Variants in IGF2BP3 observed in about 807,000 individuals in gnomAD.
IGF2BP3 encodes insulin-like growth factor 2 mRNA-binding protein 3.
A neutral mutation model predicts 73.8 loss-of-function variants in IGF2BP3; 9 were observed. The ratio of observed to expected loss-of-function variants is 0.12; its 90% CI spans 0.07 to 0.21. IGF2BP3 has a LOEUF of 0.21. Among genes scored for constraint, IGF2BP3 ranks in the 10% least tolerant of loss-of-function variants. IGF2BP3 has a pLI of 1.00. For missense variants in IGF2BP3, 542 were observed against 714.0 expected (o/e 0.76, Z 2.75); for synonymous variants, 258 against 256.7 (o/e 1.01, Z -0.05).
intron 3 of IGF2BP3, among the ~76,000 whole-genome samples, chr7:23,378,138 G>A (rs991499814): frequency 1.4e-4 from 21 of 152,064 alleles, no homozygotes; most frequent in African/African-American, 4.6e-4. Context: ...AATTAAAAAT[G>A]TTTAAAACAG....
intron 3 of IGF2BP3, among the ~76,000 whole-genome samples, chr7:23,367,038 AC>A (rs1785395556): frequency 6.9e-6 from 1 of 145,184 alleles, no homozygotes; most frequent in South Asian, 2.1e-4. Context: ...GAGTGCAGTG[AC>A]ATGATCTTGG....
At chr7:23,388,785 T>TG (rs1439999689) in intron 3 of IGF2BP3, among the ~76,000 whole-genome samples, 1 of 152,106 alleles carries the variant, frequency 6.6e-6, no homozygotes, top group Non-Finnish European at 1.5e-5. Flanking sequence ...ATACTATCTC[T>TG]GGGGGTTACA....
At chr7:23,362,210 G>A (rs189561744) in intron 3 of IGF2BP3, among the ~76,000 whole-genome samples, 17 of 151,896 alleles carry the variant, frequency 1.1e-4, no homozygotes, top group Admixed American at 3.3e-4. Context: ...CCAGGAGTTC[G>A]AGACCAGCCT....
At chr7:23,393,264 C>T (rs1786343688) in intron 3 of IGF2BP3, among the ~76,000 whole-genome samples, 1 of 152,178 alleles carries the variant, frequency 6.6e-6, no homozygotes, top group African/African-American at 2.4e-5. Context: ...AATCAGACAA[C>T]TCGTTCACAA....
intron 2 of IGF2BP3, among the ~76,000 whole-genome samples, chr7:23,425,063 G>A (rs1787469655): frequency 6.6e-6 from 1 of 152,190 alleles, no homozygotes; most frequent in South Asian, 2.1e-4. Flanking sequence ...CAGCATTACT[G>A]CTCCTAGAAG....
At chr7:23,462,812 G>A (rs769717374) in intron 2 of IGF2BP3, among the ~76,000 whole-genome samples, 1 of 152,192 alleles carries the variant, frequency 6.6e-6, no homozygotes, top group Non-Finnish European at 1.5e-5. Context: ...TTAGAACTGT[G>A]TTTATTTACC....
chr7:23,468,716 C>G (rs1465644524), intron 1 of IGF2BP3, among the ~76,000 whole-genome samples, 174 bp from the exon 2 acceptor site: 1 of 152,204 alleles, frequency 6.6e-6, no homozygotes, highest in Non-Finnish European at 1.5e-5. Context: ...GCGGCGTGGG[C>G]ATTTAACTCG....
chr7:23,369,195 T>C (rs1785474804), intron 3 of IGF2BP3, among the ~76,000 whole-genome samples: 1 of 152,056 alleles, frequency 6.6e-6, no homozygotes, highest in Non-Finnish European at 1.5e-5. Context: ...CCTGAGCCTG[T>C]CCAGATGAAC....
At chr7:23,317,575 C>G in intron 12 of IGF2BP3, 64 bp downstream of exon 12, 1 of 1,229,494 alleles carries the variant, frequency 8.1e-7, no homozygotes, top group African/African-American at 1.5e-5. Flanking sequence ...AAGGGAGACG[C>G]CAGGTTATGG....
intron 2 of IGF2BP3, among the ~76,000 whole-genome samples, chr7:23,449,106 A>G (rs1156734818): frequency 7.1e-6 from 1 of 141,164 alleles, no homozygotes; most frequent in East Asian, 2.0e-4. Context: ...ATCTTCCTAT[A>G]CCGATTTATT....
intron 5 of IGF2BP3, among the ~76,000 whole-genome samples, chr7:23,358,606 C>T (rs1389340028): frequency 6.6e-6 from 1 of 152,164 alleles, no homozygotes; most frequent in Non-Finnish European, 1.5e-5. Flanking sequence ...AACCAAAGCT[C>T]AGAAGTCAAG....
intron 3 of IGF2BP3, among the ~76,000 whole-genome samples, chr7:23,388,478 CA>C: frequency 6.6e-6 from 1 of 152,102 alleles, no homozygotes; most frequent in African/African-American, 2.4e-5. Context: ...AGGGAGTTTA[CA>C]AACTCAATTA....
chr7:23,360,741 C>T (rs948170479), intron 5 of IGF2BP3, among the ~76,000 whole-genome samples: 1 of 152,190 alleles, frequency 6.6e-6, no homozygotes, highest in African/African-American at 2.4e-5. Flanking sequence ...TTTTCTTTCA[C>T]CTTTCTGACA....
intron 2 of IGF2BP3, among the ~76,000 whole-genome samples, chr7:23,419,694 T>G (rs1005255187): frequency 2.0e-5 from 3 of 151,830 alleles, no homozygotes; most frequent in African/African-American, 7.3e-5. Context: ...TCTACTAAAA[T>G]TACAAAAAAT....
chr7:23,343,770 T>C lies in IGF2BP3; in HGVS notation c.1025A>G (p.Glu342Gly), dbSNP rs1327285637. The C allele has an allele frequency of 6.2e-7, 1 of 1,612,954 alleles. No homozygotes were observed. Among genetic ancestry groups the C allele is most frequent in the Non-Finnish European group, 8.5e-7 (1 of 1,179,570 alleles). ...AGACTCCCTGATTTTCTTCATGATC[T>C]CCTCCTCAGCTTTGGCACATGTCTC... ...NVETCAKAEE[E>G]IMKKIRESYE... The change falls in exon 9 of 15, where the codon GAG becomes GGG. Residue 342 changes from glutamate to glycine, a missense_variant. Physicochemically the swap from Glu to Gly is moderately conservative, Grantham distance 98 (BLOSUM62 -2). Coordinates refer to ENST00000258729, the MANE Select transcript of IGF2BP3 (RefSeq NM_006547.3).
chr7:23,362,310 T>C (rs983235299), intron 3 of IGF2BP3, among the ~76,000 whole-genome samples: 3 of 152,286 alleles, frequency 2.0e-5, no homozygotes, highest in Non-Finnish European at 4.4e-5. Context: ...AAGATGTTCT[T>C]TTCCAAAGGA....
At chr7:23,330,785 T>C (rs1020805162) in intron 10 of IGF2BP3, among the ~76,000 whole-genome samples, 25 of 152,178 alleles carry the variant, frequency 1.6e-4, no homozygotes, top group African/African-American at 6.0e-4. Context: ...TCTAGAATCA[T>C]ACATTGCTTT....
At chr7:23,454,752 A>G (rs1464827324) in intron 2 of IGF2BP3, among the ~76,000 whole-genome samples, 1 of 152,108 alleles carries the variant, frequency 6.6e-6, no homozygotes, top group Admixed American at 6.6e-5. Flanking sequence ...GCTGTCCCCA[A>G]CTTTAGGTAG....
At chr7:23,427,981 G>C (rs1239195569) in intron 2 of IGF2BP3, among the ~76,000 whole-genome samples, 1 of 151,818 alleles carries the variant, frequency 6.6e-6, no homozygotes, top group African/African-American at 2.4e-5. Flanking sequence ...ACTCCAGCCT[G>C]GGTGACAGGG....
Sources: gnomAD v4.1 joint callset for allele counts (sites outside exome capture counted in the v4.1 genomes callset) on GRCh38, gnomAD v4.1.1 for gene constraint, MANE v1.5 for transcripts, NCBI Gene and HGNC (gene_info 2026-07-23, HGNC 2026-07-21) for gene names.